The following PTPRG variants were observed in gnomAD, a reference collection of about 807,000 sequenced individuals.
PTPRG encodes the protein protein tyrosine phosphatase receptor type G, also known as receptor-type tyrosine-protein phosphatase gamma.
Under a neutral mutation model 165.3 loss-of-function variants are expected in PTPRG, and 102 were observed. That is an observed-to-expected ratio of 0.62 (90% CI 0.53 to 0.73). PTPRG has a LOEUF of 0.73. Ranked by LOEUF, PTPRG falls within the 30% of genes least tolerant of loss-of-function variation. The pLI, the probability that PTPRG is intolerant of heterozygous loss-of-function variation, is 0.00. For missense variants in PTPRG, 1,866 were observed against 1,861.4 expected, an observed-to-expected ratio of 1.00 and a Z score of -0.05; for synonymous variants, 675 against 669.5, an observed-to-expected ratio of 1.01 and a Z score of -0.13.
intron 1 of PTPRG, among the ~76,000 whole-genome samples, chr3:61,664,119 C>A (rs973668759): frequency 2.6e-5 from 4 of 152,144 alleles, no homozygotes; most frequent in Non-Finnish European, 4.4e-5. Flanking sequence ...TAATTCAGTT[C>A]CTTAAGTTGT....
At chr3:62,077,080 A>T (rs780333652) in intron 4 of PTPRG, among the ~76,000 whole-genome samples, 60 of 152,094 alleles carry the variant, frequency 3.9e-4, no homozygotes, top group Non-Finnish European at 7.5e-4. Flanking sequence ...AGCCTGGACA[A>T]CAAGGCAAAA....
chr3:61,669,947 G>C (rs1253629892), intron 1 of PTPRG, among the ~76,000 whole-genome samples: 2 of 152,120 alleles, frequency 1.3e-5, no homozygotes, highest in African/African-American at 4.8e-5. Context: ...TTGGTAGGGT[G>C]GTTGAGTTTC....
At chr3:62,124,247 G>A (rs1219530414) in intron 5 of PTPRG, 7 of 1,293,594 alleles carry the variant, frequency 5.4e-6, no homozygotes, top group African/African-American at 4.4e-5. Flanking sequence ...TAACTCCGAA[G>A]GGAATTCAGA....
At chr3:62,124,506 G>T in intron 5 of PTPRG, 1 of 1,583,190 alleles carries the variant, frequency 6.3e-7, no homozygotes, top group Non-Finnish European at 8.7e-7. Flanking sequence ...TTTTACAGCA[G>T]GCTCATCAGG....
chr3:62,124,236 T>G, intron 5 of PTPRG: 1 of 1,206,842 alleles, frequency 8.3e-7, no homozygotes, highest in Admixed American at 1.7e-5. Context: ...TCATTTGACA[T>G]TAACTCCGAA....
rs7340533 is a variant in PTPRG at position 61,809,685 on chromosome 3, A to G, written c.190+60703A>G. ...ACGTTGTAAGCTTGAAAAGAAAATA[A>G]TATAGTTATTCTGTATTAATATGAA... On this transcript the variant is annotated intron_variant, in intron 2 of 29. Coordinates refer to ENST00000474889, the MANE Select transcript of PTPRG (RefSeq NM_002841.4). Among the ~76,000 whole-genome samples the G allele has an allele frequency of 5.3e-5, 8 of 152,324 alleles. 1 individual carries two copies. The highest frequency in any genetic ancestry group is 1.9e-4 in the African/African-American group (8 of 41,570).
chr3:62,124,980 G>A (rs1348379561), intron 5 of PTPRG, among the ~76,000 whole-genome samples: 3 of 152,144 alleles, frequency 2.0e-5, no homozygotes, highest in Non-Finnish European at 4.4e-5. Flanking sequence ...AGGGGTCTTT[G>A]AAGGATCATC....
chr3:61,779,917 A>G (rs1023270291), intron 2 of PTPRG, among the ~76,000 whole-genome samples: 1 of 152,154 alleles, frequency 6.6e-6, no homozygotes, highest in Non-Finnish European at 1.5e-5. Context: ...CTGAGGCGAT[A>G]ATTGATCAGA....
chr3:62,031,922 G>A (rs938410516), intron 4 of PTPRG, among the ~76,000 whole-genome samples: 2 of 152,172 alleles, frequency 1.3e-5, no homozygotes, highest in African/African-American at 2.4e-5. Context: ...TTAGATAAAT[G>A]TAGATATATC....
intron 2 of PTPRG, among the ~76,000 whole-genome samples, chr3:61,768,024 G>A (rs957469548): frequency 5.3e-5 from 8 of 151,044 alleles, no homozygotes; most frequent in African/African-American, 1.2e-4. Flanking sequence ...CTCTCACTAC[G>A]GAACAGAATA....
Position 62,217,678 on chromosome 3 carries a change from T to A in PTPRG, c.2156-1173T>A, listed in dbSNP as rs1415503670. 6.6e-6 allele frequency: 1 copy of A among 152,298 alleles called. No individual in the cohort carries two copies. The allele number at this position is 152,298 out of a possible 1,614,324, so 9.4% of individuals were successfully genotyped here. A position where few individuals can be genotyped will look rare whatever the true frequency, so the allele number is the denominator to read the frequency against. The stretch of plus-strand genomic sequence containing the variant: ...CCCTGTGATCACAGGCAACCTTTGC[T>A]TTTTCACTGCTTGCCTCTGTGCACC... On this transcript the variant is annotated intron_variant, in intron 12 of 29. Transcript: ENST00000474889. The surrounding 1 kb of genome is among the most constrained non-coding windows in gnomAD (Gnocchi z 4.3).
chr3:61,573,452 G>A (rs976936918), intron 1 of PTPRG, among the ~76,000 whole-genome samples: 3 of 152,064 alleles, frequency 2.0e-5, no homozygotes, highest in Admixed American at 1.3e-4. Context: ...AACAACATGC[G>A]AAAGCCTGAA....
At chr3:61,672,080 C>T (rs1380613915) in intron 1 of PTPRG, among the ~76,000 whole-genome samples, 4 of 147,242 alleles carry the variant, frequency 2.7e-5, no homozygotes, top group South Asian at 2.2e-4. Context: ...ACATCCCGGA[C>T]GGGGCAGCAG....
chr3:62,047,246 A>ATTAT (rs10523312), intron 4 of PTPRG, among the ~76,000 whole-genome samples: 156 of 63,028 alleles, frequency 2.5e-3, no homozygotes, highest in African/African-American at 6.6e-3. Context: ...TGAGCTTCCT[A>ATTAT]TTATTTATTT....
rs148392416 is a variant in PTPRG, at chr3:61,716,755, G to A, written c.86-32123G>A. 1.1e-4 allele frequency among the ~76,000 whole-genome samples: 16 copies of A among 152,244 alleles called. 1 individual carries two copies. The South Asian group carries it at 2.3e-3, about 22-fold the overall frequency. Reference sequence around the variant, plus strand: ...TGGAAGGCCGAGGTGGGTGGGTCACGAGGTCAGGAGTTCAAGACCAGCCTG... The same window carrying A: ...TGGAAGGCCGAGGTGGGTGGGTCACAAGGTCAGGAGTTCAAGACCAGCCTG... On this transcript the variant is annotated intron_variant, in intron 1 of 29. Transcript: ENST00000474889.
At chr3:62,209,336 A>G (rs1356715996) in intron 12 of PTPRG, among the ~76,000 whole-genome samples, 1 of 152,232 alleles carries the variant, frequency 6.6e-6, no homozygotes, top group Non-Finnish European at 1.5e-5. Context: ...TCAAAATGTC[A>G]TTAATGCCAA....
chr3:61,574,622 A>G (rs1213709468), intron 1 of PTPRG, among the ~76,000 whole-genome samples: 1 of 152,176 alleles, frequency 6.6e-6, no homozygotes, highest in Admixed American at 6.5e-5. Flanking sequence ...CATGTGATAG[A>G]GGTTTGCATG....
At chr3:61,941,039 T>C (rs2039614293) in intron 2 of PTPRG, among the ~76,000 whole-genome samples, 1 of 152,226 alleles carries the variant, frequency 6.6e-6, no homozygotes, top group Non-Finnish European at 1.5e-5. Context: ...CAGCCATTAC[T>C]TATTGACTCT....
At chr3:61,857,830 G>A (rs560662539) in intron 2 of PTPRG, among the ~76,000 whole-genome samples, 9 of 152,202 alleles carry the variant, frequency 5.9e-5, no homozygotes, top group Middle Eastern at 6.8e-3. Context: ...ACGTAAGGTG[G>A]GTGAAATTGG....
Sources: gnomAD v4.1 joint callset for allele counts (sites outside exome capture counted in the v4.1 genomes callset) on GRCh38, gnomAD v4.1.1 for gene constraint, Gnocchi (gnomAD v3.1) non-coding constraint, MANE v1.5 for transcripts, NCBI Gene and HGNC (gene_info 2026-07-23, HGNC 2026-07-21) for gene names.